MCPH1: variants seen among roughly 807,000 people sequenced by gnomAD.
The protein encoded by MCPH1 is microcephalin.
In MCPH1, 104 loss-of-function variants were observed where a neutral mutation model predicts 84.5. The observed-to-expected ratio is 1.23, with a 90% CI of 1.05 to 1.45. MCPH1 has a LOEUF of 1.45. MCPH1 is among the 40% of genes most tolerant of loss of function. The pLI is 0.00. For synonymous variants in MCPH1, 514 were observed against 366.8 expected, an observed-to-expected ratio of 1.40 and a Z score of -4.58; for missense variants, 1,498 against 1,005.7, an observed-to-expected ratio of 1.49 and a Z score of -6.62.
intron 13 of MCPH1, among the ~76,000 whole-genome samples, chr8:6,636,059 G>C (rs1797527372): frequency 6.6e-6 from 1 of 152,196 alleles, no homozygotes; most frequent in Non-Finnish European, 1.5e-5. Context: ...AGAGTCACGG[G>C]CAGGCACGGT....
intron 12 of MCPH1, among the ~76,000 whole-genome samples, chr8:6,578,396 G>A (rs181252210): frequency 1.2e-4 from 19 of 152,140 alleles, no homozygotes; most frequent in African/African-American, 4.6e-4. Flanking sequence ...TTTACTTAGG[G>A]CTTAAAAATA....
chr8:6,630,945 G>A (rs1797115988), intron 13 of MCPH1, among the ~76,000 whole-genome samples: 1 of 152,128 alleles, frequency 6.6e-6, no homozygotes, highest in South Asian at 2.1e-4. Context: ...GACAGAAGAG[G>A]AAACTCTAAC....
At chr8:6,439,430 A>G (rs1482723030) in intron 6 of MCPH1, among the ~76,000 whole-genome samples, 2 of 146,972 alleles carry the variant, frequency 1.4e-5, no homozygotes, top group African/African-American at 5.1e-5. Flanking sequence ...TGCATTTGTC[A>G]CCCAGGCTGG....
rs200828507 is a variant in MCPH1 at position 6,438,960 on chromosome 8, T to G, written c.444T>G (p.Asp148Glu). 2.1e-4 allele frequency: 333 copies of G among 1,612,252 alleles called. 3 individuals carry two copies. The South Asian group carries it at 3.5e-3, about 17-fold the overall frequency. ...TTTTTTGTTTATTTTCAGATGATGA[T>G]GTACCTATTCTCTTATTTGAATCTA... ...LQRQKTNLDD[D>E]VPILLFESNG... Residue 148 changes from aspartate (D) to glutamate (E), a missense_variant, in exon 6 of 14, where the codon GAT becomes GAG. Coordinates refer to ENST00000344683, the MANE Select transcript of MCPH1 (RefSeq NM_024596.5).
intron 12 of MCPH1, among the ~76,000 whole-genome samples, chr8:6,595,402 A>G (rs948030347): frequency 6.6e-6 from 1 of 152,174 alleles, no homozygotes; most frequent in African/African-American, 2.4e-5. Context: ...GAGAAGGTGA[A>G]TGAGTTAAAA....
chr8:6,623,405 C>T (rs1831693636), intron 13 of MCPH1, among the ~76,000 whole-genome samples: 1 of 151,552 alleles, frequency 6.6e-6, no homozygotes, highest in South Asian at 2.1e-4. Context: ...TCTTTGCTTC[C>T]ATCTCCTTCC....
At chr8:6,514,804 G>T in intron 12 of MCPH1, 1 of 1,600,490 alleles carries the variant, frequency 6.2e-7, no homozygotes, top group Non-Finnish European at 8.6e-7. Context: ...CAGGGTATAA[G>T]TGACAGAGCC....
At chr8:6,633,759 C>G (rs1314969520) in intron 13 of MCPH1, among the ~76,000 whole-genome samples, 2 of 152,222 alleles carry the variant, frequency 1.3e-5, no homozygotes, top group East Asian at 3.8e-4. Context: ...CACGATACCT[C>G]ACGTGGGGCC....
chr8:6,618,404 G>A (rs1831076720), intron 12 of MCPH1: 1 of 152,218 alleles, frequency 6.6e-6, no homozygotes, highest in African/African-American at 2.4e-5. Context: ...ACTAGCTACT[G>A]AAGTCACATC....
chr8:6,573,695 T>C (rs1463280043), intron 12 of MCPH1, among the ~76,000 whole-genome samples: 1 of 152,128 alleles, frequency 6.6e-6, no homozygotes, highest in East Asian at 1.9e-4. Flanking sequence ...TCTGATGAGA[T>C]ACCTCCTTCC....
At chr8:6,542,429 G>A (rs1417056642) in intron 12 of MCPH1, among the ~76,000 whole-genome samples, 1 of 151,990 alleles carries the variant, frequency 6.6e-6, no homozygotes, top group Non-Finnish European at 1.5e-5. Context: ...AGCTTGGTGG[G>A]CAATGGCGGG....
chr8:6,614,673 G>C (rs1830626474), intron 12 of MCPH1, among the ~76,000 whole-genome samples: 1 of 152,192 alleles, frequency 6.6e-6, no homozygotes, highest in South Asian at 2.1e-4. Context: ...CCTCTCAGTT[G>C]TTATTGAAGC....
chr8:6,451,288 C>T (rs551110193), intron 8 of MCPH1, among the ~76,000 whole-genome samples: 1 of 152,312 alleles, frequency 6.6e-6, no homozygotes, highest in Non-Finnish European at 1.5e-5. Flanking sequence ...TTCATTCATT[C>T]ATTTACATAT....
chr8:6,459,581 A>C (rs969053307), intron 9 of MCPH1, among the ~76,000 whole-genome samples: 2 of 152,378 alleles, frequency 1.3e-5, no homozygotes, highest in Non-Finnish European at 1.5e-5. Flanking sequence ...CTAATGACTG[A>C]AGCAATGCCT....
At chr8:6,575,919 A>G (rs1827043980) in intron 12 of MCPH1, among the ~76,000 whole-genome samples, 1 of 152,172 alleles carries the variant, frequency 6.6e-6, no homozygotes, top group South Asian at 2.1e-4. Flanking sequence ...TTTGGCTTCC[A>G]GAAGGAACCA....
intron 12 of MCPH1, among the ~76,000 whole-genome samples, chr8:6,543,765 A>G (rs1028521342): frequency 5.3e-5 from 8 of 152,106 alleles, no homozygotes; most frequent in Non-Finnish European, 1.2e-4. Flanking sequence ...TTCAGTTCCC[A>G]TTCTCCCAAG....
chr8:6,603,641 C>G (rs1829539456), intron 12 of MCPH1, among the ~76,000 whole-genome samples: 1 of 152,184 alleles, frequency 6.6e-6, no homozygotes, highest in Non-Finnish European at 1.5e-5. Flanking sequence ...AAGTACCTTC[C>G]TGCTTTCAGT....
chr8:6,440,502 G>C (rs750552445), intron 6 of MCPH1, among the ~76,000 whole-genome samples: 2 of 152,180 alleles, frequency 1.3e-5, no homozygotes. Context: ...TAGGAATACA[G>C]GTGTGTGCCA....
chr8:6,534,772 T>C (rs1266542907), intron 12 of MCPH1, among the ~76,000 whole-genome samples: 2 of 152,352 alleles, frequency 1.3e-5, no homozygotes, highest in East Asian at 1.9e-4. Context: ...GCTCAGGCTT[T>C]TTAGTGTGTG....
Sources: allele counts gnomAD v4.1 joint callset (sites outside exome capture counted in the v4.1 genomes callset), GRCh38; gene constraint gnomAD v4.1.1; transcripts MANE v1.5; gene names NCBI Gene and HGNC (gene_info 2026-07-23, HGNC 2026-07-21).